Variants in RABGEF1 observed in about 807,000 individuals in gnomAD.
RABGEF1 encodes RAB guanine nucleotide exchange factor 1, also known as rab5 GDP/GTP exchange factor.
Under a neutral mutation model 57.3 loss-of-function variants are expected in RABGEF1, and 26 were observed. The observed-to-expected ratio is 0.45, with a 90% CI of 0.33 to 0.63. The LOEUF (loss-of-function observed/expected upper bound fraction) is 0.63. Among genes scored for constraint, RABGEF1 ranks in the 20% least tolerant of loss-of-function variants. RABGEF1 has a pLI of 0.02. For synonymous variants in RABGEF1, 185 were observed against 210.7 expected (o/e 0.88, Z 1.06); for missense variants, 464 against 607.6 (o/e 0.76, Z 2.48).
At position 66,693,884 on chromosome 7, in the gene RABGEF1, C is replaced by T. The variant is rs370155666; in HGVS notation, c.-873+11626C>T. Among the ~76,000 whole-genome samples the T allele has an allele frequency of 1.4e-4, 21 of 151,978 alleles. No homozygotes were observed. The East Asian group carries it at 2.7e-3, about 20-fold the overall frequency. Reference sequence around the variant, plus strand: ...GTGCAGTGGCGAGATCTCGGCTCACCGTAACCTCCGCCTCTGGGGCTCAAG... The same window carrying T: ...GTGCAGTGGCGAGATCTCGGCTCACTGTAACCTCCGCCTCTGGGGCTCAAG... On this transcript the variant is annotated intron_variant and NMD_transcript_variant, in intron 1 of 9. Coordinates refer to the RABGEF1 transcript ENST00000607882.
intron 4 of RABGEF1, among the ~76,000 whole-genome samples, chr7:66,793,998 T>C (rs1487956055): frequency 6.6e-6 from 1 of 152,198 alleles, no homozygotes; most frequent in African/African-American, 2.4e-5. Flanking sequence ...AAATTTTTGA[T>C]TTTGGTGTCA....
chr7:66,734,215 T>A (rs1797669422), intron 2 of RABGEF1, among the ~76,000 whole-genome samples: 1 of 152,076 alleles, frequency 6.6e-6, no homozygotes, highest in Non-Finnish European at 1.5e-5. Context: ...GGGCAGCTGA[T>A]GGGACCTGGG....
chr7:66,715,605 A>T (rs1315381826), intron 2 of RABGEF1, among the ~76,000 whole-genome samples: 1 of 152,178 alleles, frequency 6.6e-6, no homozygotes, highest in Admixed American at 6.6e-5. Flanking sequence ...ATTTCTAGGC[A>T]TTTGAATATT....
upstream of RABGEF1, among the ~76,000 whole-genome samples, chr7:66,678,406 A>G (rs1304694138): frequency 1.3e-5 from 2 of 151,744 alleles, no homozygotes; most frequent in Non-Finnish European, 2.9e-5. Context: ...TCTACTAAAA[A>G]TACAAAAAAT....
At chr7:66,795,420 A>T in intron 4 of RABGEF1, 91 bp from the exon 5 acceptor site, 1 of 1,078,188 alleles carries the variant, frequency 9.3e-7, no homozygotes, top group Non-Finnish European at 1.4e-6. Flanking sequence ...CTACCAGTAC[A>T]AGGAATGGCT....
chr7:66,737,093 C>CGAGAGAGA (rs141745026), upstream of RABGEF1, among the ~76,000 whole-genome samples: 17 of 127,366 alleles, frequency 1.3e-4, no homozygotes, highest in East Asian at 6.8e-4. Context: ...AGAGCGAGAG[C>CGAGAGAGA]GAGAGAGAGA....
chr7:66,670,376 T>C, the RABGEF1 span, among the ~76,000 whole-genome samples: 1 of 150,724 alleles, frequency 6.6e-6, no homozygotes, highest in Non-Finnish European at 1.5e-5. Context: ...ACATAGTACC[T>C]AGAAGAGGAG....
At chr7:66,737,101 A>C (rs1018622008), upstream of RABGEF1, among the ~76,000 whole-genome samples, 7 of 151,388 alleles carry the variant, frequency 4.6e-5, no homozygotes, top group African/African-American at 7.3e-5. Flanking sequence ...AGCGAGAGAG[A>C]GAGAGAGAGA....
At chr7:66,733,072 A>AG (rs1797527975) in intron 2 of RABGEF1, among the ~76,000 whole-genome samples, 1 of 152,162 alleles carries the variant, frequency 6.6e-6, no homozygotes, top group South Asian at 2.1e-4. Context: ...AGGTTCCTGG[A>AG]GTCCTGGCCC....
At chr7:66,783,277 ATG>A (rs1287068616) in intron 3 of RABGEF1, among the ~76,000 whole-genome samples, 1 of 152,196 alleles carries the variant, frequency 6.6e-6, no homozygotes, top group Non-Finnish European at 1.5e-5. Flanking sequence ...GTCATTTAAC[ATG>A]TCAGTGCTTC....
chr7:66,664,830 A>G, the RABGEF1 span, among the ~76,000 whole-genome samples: 1 of 152,186 alleles, frequency 6.6e-6, no homozygotes, highest in Admixed American at 6.5e-5. Context: ...TCAAAACAGT[A>G]CTGACCTCTT....
intron 2 of RABGEF1, among the ~76,000 whole-genome samples, chr7:66,774,399 G>C (rs547741707): frequency 6.6e-6 from 1 of 152,234 alleles, no homozygotes; most frequent in African/African-American, 2.4e-5. Context: ...AGTCTTTCTT[G>C]CTTCCCTACC....
chr7:66,658,139 A>G, the RABGEF1 span, among the ~76,000 whole-genome samples: 1 of 152,222 alleles, frequency 6.6e-6, no homozygotes, highest in Non-Finnish European at 1.5e-5. Context: ...GTAAGAGAAT[A>G]CTATAAACAT....
intron 1 of RABGEF1, 74 bp from the exon 2 acceptor site, chr7:66,771,809 T>C: frequency 1.8e-6 from 2 of 1,141,138 alleles, no homozygotes; most frequent in Non-Finnish European, 2.3e-6. Flanking sequence ...TCACTCACTT[T>C]TTGTTCATAA....
At chr7:66,740,456 G>A (rs1041738314), upstream of RABGEF1, 12 of 151,796 alleles carry the variant, frequency 7.9e-5, no homozygotes, top group African/African-American at 2.9e-4. Flanking sequence ...GAAGCCGGAA[G>A]CAGGGACTGA....
At chr7:66,675,840 G>T in the RABGEF1 span, among the ~76,000 whole-genome samples, 26 of 152,196 alleles carry the variant, frequency 1.7e-4, no homozygotes, top group African/African-American at 5.8e-4. Context: ...GCATGAAAAA[G>T]TATAAAATAC....
intron 8 of RABGEF1, among the ~76,000 whole-genome samples, chr7:66,806,025 A>AT (rs1788371933): frequency 2.6e-5 from 4 of 151,990 alleles, no homozygotes; most frequent in Admixed American, 2.6e-4. Context: ...AACTGCAGGC[A>AT]TGAGCCACCA....
upstream of RABGEF1, among the ~76,000 whole-genome samples, chr7:66,738,032 T>G (rs1456167959): frequency 8.5e-5 from 12 of 141,580 alleles, no homozygotes; most frequent in African/African-American, 2.0e-4. Flanking sequence ...TGTTTTTTTT[T>G]TTTTTTGAGA....
chr7:66,766,467 T>TTTTCTACTTGTTATTTTCTTGC (rs1805739965), intron 1 of RABGEF1, among the ~76,000 whole-genome samples: 1 of 152,184 alleles, frequency 6.6e-6, no homozygotes. Flanking sequence ...TCTTTTCTTT[T>TTTTCTACTTGTTATTTTCTTGC]TTTCTACTTG....
Sources: gnomAD v4.1 joint callset for allele counts (sites outside exome capture counted in the v4.1 genomes callset) on GRCh38, gnomAD v4.1.1 for gene constraint, MANE v1.5 for transcripts, NCBI Gene and HGNC (gene_info 2026-07-23, HGNC 2026-07-21) for gene names.